CA2: variants seen among roughly 807,000 people sequenced by gnomAD.
CA2 encodes carbonic anhydrase 2.
In CA2, 23 loss-of-function variants were observed where a neutral mutation model predicts 27.8. That is an observed-to-expected ratio of 0.83 (90% confidence interval 0.59 to 1.17). The LOEUF is 1.17. CA2 is among the 50% of genes most tolerant of loss of function. CA2 has a pLI of 0.00. For missense variants in CA2, 300 were observed against 314.7 expected, an observed-to-expected ratio of 0.95 and a Z score of 0.35; for synonymous variants, 99 against 114.9, an observed-to-expected ratio of 0.86 and a Z score of 0.88.
chr8:85,475,661 C>T (rs1471312317), intron 4 of CA2, 137 bp from the exon 5 acceptor site: 2 of 758,978 alleles, frequency 2.6e-6, no homozygotes, highest in African/African-American at 3.5e-5. Flanking sequence ...CAAGCCAGTA[C>T]TGATGGGGGT....
At chr8:85,465,229 C>T (rs1811608848) in intron 1 of CA2, 43 bp from the exon 2 acceptor site, 1 of 1,505,366 alleles carries the variant, frequency 6.6e-7, no homozygotes, top group Non-Finnish European at 9.2e-7. Context: ...TCTGGGTGTA[C>T]CTTTCCCCAC....
At chr8:85,479,499 A>T (rs1423593811) in intron 6 of CA2, among the ~76,000 whole-genome samples, 1 of 152,146 alleles carries the variant, frequency 6.6e-6, no homozygotes, top group East Asian at 1.9e-4. Flanking sequence ...AAGGCTGTTG[A>T]TTCATGGGCT....
intron 2 of CA2, among the ~76,000 whole-genome samples, chr8:85,467,978 A>G (rs551255877): frequency 6.6e-6 from 1 of 152,346 alleles, no homozygotes; most frequent in African/African-American, 2.4e-5. Flanking sequence ...TCATGAAAGC[A>G]GGGTGGAGGC....
Position 85,473,740 on chromosome 8 carries a change from C to T in CA2, c.280C>T (p.His94Tyr). The change falls in exon 3 of 7, where the codon CAC becomes TAC. Residue 94 changes from histidine (H) to tyrosine (Y), a missense_variant. His to Tyr is a moderately conservative substitution (Grantham distance 83, BLOSUM62 2). This residue lies in a region of CA2 where 122 missense variants were observed against 133.2 expected (regional missense o/e 0.92). Transcript: ENST00000285379. ...LDGTYRLIQF[H>Y]FHWGSLDGQG... ...TGGCACTTACAGATTGATTCAGTTTCACTTTCACTGGGGTTCACTTGATGG... is the reference window on the plus strand; with the variant it reads ...TGGCACTTACAGATTGATTCAGTTTTACTTTCACTGGGGTTCACTTGATGG... 2.5e-6 allele frequency: 4 copies of T among 1,612,734 alleles called. No individual in the cohort carries two copies. Among genetic ancestry groups the T allele is most frequent in the Non-Finnish European group, 3.4e-6 (4 of 1,178,804 alleles).
At chr8:85,464,146 G>T in intron 1 of CA2, 31 bp downstream of exon 1, 5 of 1,512,550 alleles carry the variant, frequency 3.3e-6, no homozygotes, top group Non-Finnish European at 4.4e-6. Context: ...GCGCGGGGGC[G>T]CCCCGATCCC....
At chr8:85,467,806 A>G (rs1418921574) in intron 2 of CA2, among the ~76,000 whole-genome samples, 1 of 152,226 alleles carries the variant, frequency 6.6e-6, no homozygotes, top group Non-Finnish European at 1.5e-5. Flanking sequence ...AGCAATGCAT[A>G]CATTTTTAAA....
chr8:85,474,562 A>T, intron 4 of CA2, 146 bp downstream of exon 4: 1 of 716,202 alleles, frequency 1.4e-6, no homozygotes, highest in Non-Finnish European at 2.5e-6. Flanking sequence ...TCCTCCTTTC[A>T]TATCTGCTAG....
At chr8:85,470,265 C>T (rs1481185381) in intron 2 of CA2, among the ~76,000 whole-genome samples, 2 of 152,132 alleles carry the variant, frequency 1.3e-5, no homozygotes, top group Admixed American at 1.3e-4. Context: ...TATATTGGCA[C>T]GTAGCCCTAG....
chr8:85,480,641 A>T, intron 6 of CA2, 29 bp from the exon 7 acceptor site: 1 of 1,594,232 alleles, frequency 6.3e-7, no homozygotes. Flanking sequence ...GTGAAACATT[A>T]ATTATCAATG....
At chr8:85,479,360 C>T (rs189938652) in intron 6 of CA2, among the ~76,000 whole-genome samples, 86 of 152,292 alleles carry the variant, frequency 5.6e-4, no homozygotes, top group African/African-American at 2.0e-3. Flanking sequence ...AACGAATCAA[C>T]CCTATATATC....
intron 5 of CA2, 136 bp from the exon 6 acceptor site, chr8:85,476,984 T>C (rs1159528660): frequency 3.8e-6 from 3 of 781,710 alleles, no homozygotes; most frequent in African/African-American, 3.4e-5. Flanking sequence ...TGTTTGCCAG[T>C]GAATATAGAA....
Position 85,473,711 on chromosome 8 carries a change from T to TG in CA2, c.253dup (p.Asp85GlyfsTer17). 6.2e-7 allele frequency: 1 copy of TG among 1,603,400 alleles called. No homozygotes were observed. ...ATTTTAGTGCTCAAGGGAGGACCCC[T>TG]GGATGGCACTTACAGATTGATTCAG... On this transcript the variant is annotated frameshift_variant, in exon 3 of 7. Coordinates refer to ENST00000285379, the MANE Select transcript of CA2 (RefSeq NM_000067.3). LOFTEE classifies it high-confidence loss of function.
Position 85,465,359 on chromosome 8 carries a change from A to T in CA2, c.122A>T (p.Asp41Val), listed in dbSNP as rs1811612056. 6.2e-7 allele frequency: 1 copy of T among 1,613,746 alleles called. No individual in the cohort carries two copies. The highest frequency in any genetic ancestry group is 1.7e-5 in the Admixed American group (1 of 59,984). ...ATCGACACTCATACAGCCAAGTATG[A>T]CCCTTCCCTGAAGCCCCTGTCTGTT... ...VDIDTHTAKY[D>V]PSLKPLSVSY... Residue 41 changes from aspartate (D) to valine (V), a missense_variant, in exon 2 of 7, where the codon GAC becomes GTC. Around this residue, in one of 3 missense-constraint regions of CA2, gnomAD observed 122 missense variants for 133.2 expected, o/e 0.92. Transcript: ENST00000285379.
chr8:85,472,826 A>G (rs1811729440), intron 2 of CA2, among the ~76,000 whole-genome samples: 1 of 151,864 alleles, frequency 6.6e-6, no homozygotes, highest in Non-Finnish European at 1.5e-5. Context: ...CTCTGCCTCT[A>G]CTAAAAATAC....
chr8:85,473,394 G>A, intron 2 of CA2: 1 of 505,470 alleles, frequency 2.0e-6, no homozygotes, highest in South Asian at 1.5e-5. Flanking sequence ...CCCAGAAAAA[G>A]GAATCAGTAT....
At chr8:85,466,207 G>C (rs1295405348) in intron 2 of CA2, among the ~76,000 whole-genome samples, 1 of 145,616 alleles carries the variant, frequency 6.9e-6, no homozygotes, top group Non-Finnish European at 1.5e-5. Flanking sequence ...TTTGAAACAA[G>C]AGAACAATCC....
chr8:85,469,984 A>G (rs1480862171), intron 2 of CA2, among the ~76,000 whole-genome samples: 2 of 152,220 alleles, frequency 1.3e-5, no homozygotes, highest in South Asian at 2.1e-4. Flanking sequence ...AAAAGAAAGC[A>G]TAACAACAAA....
At position 85,473,712 on chromosome 8, in the gene CA2, G is replaced by A. The variant is rs191995145; in HGVS notation, c.252G>A (p.Leu84=). ...QDKAVLKGGP[L]DGTYRLIQFH... ...TTTTAGTGCTCAAGGGAGGACCCCTGGATGGCACTTACAGATTGATTCAGT... is the reference window on the plus strand; with the variant it reads ...TTTTAGTGCTCAAGGGAGGACCCCTAGATGGCACTTACAGATTGATTCAGT... Residue 84 remains leucine, a synonymous_variant, in exon 3 of 7, where the codon CTG becomes CTA. Transcript: ENST00000285379. 2.5e-6 allele frequency: 4 copies of A among 1,602,992 alleles called. No individual in the cohort carries two copies. The highest frequency in any genetic ancestry group is 4.5e-5 in the East Asian group (2 of 44,822).
chr8:85,480,221 G>A (rs544629474), intron 6 of CA2, among the ~76,000 whole-genome samples: 4 of 152,240 alleles, frequency 2.6e-5, no homozygotes, highest in Non-Finnish European at 1.5e-5. Flanking sequence ...GGCCATTGAT[G>A]CACAGCACTG....
Sources: gnomAD v4.1 joint callset for allele counts (sites outside exome capture counted in the v4.1 genomes callset) on GRCh38, gnomAD v4.1.1 for gene constraint, gnomAD v4.1.1 regional missense constraint, MANE v1.5 for transcripts, NCBI Gene and HGNC (gene_info 2026-07-23, HGNC 2026-07-21) for gene names.